Variants in RGS7 observed in about 807,000 individuals in gnomAD.
The protein encoded by RGS7 is regulator of G-protein signaling 7.
A neutral mutation model predicts 81.1 loss-of-function variants in RGS7; 27 were observed. The ratio of observed to expected loss-of-function variants is 0.33; its 90% CI spans 0.25 to 0.46. The LOEUF is 0.46. Among genes scored for constraint, RGS7 ranks in the 20% least tolerant of loss-of-function variants. The pLI, the probability that RGS7 is intolerant of heterozygous loss-of-function variation, is 1.00. For synonymous variants in RGS7, 208 were observed against 207.7 expected, an observed-to-expected ratio of 1.00 and a Z score of -0.01; for missense variants, 396 against 607.4, an observed-to-expected ratio of 0.65 and a Z score of 3.66.
intron 3 of RGS7, among the ~76,000 whole-genome samples, chr1:241,013,509 A>C (rs970068419): frequency 2.6e-5 from 4 of 152,154 alleles, no homozygotes; most frequent in South Asian, 2.1e-4. Context: ...TAAGAAAATA[A>C]ATTATGTATT....
intron 3 of RGS7, among the ~76,000 whole-genome samples, chr1:241,065,225 T>G (rs1369899621): frequency 1.4e-5 from 2 of 142,076 alleles, no homozygotes; most frequent in Non-Finnish European, 3.0e-5. Flanking sequence ...ATATATTATC[T>G]TTTAATATAT....
intron 3 of RGS7, among the ~76,000 whole-genome samples, chr1:241,057,848 C>G (rs536216476): frequency 6.6e-6 from 1 of 152,158 alleles, no homozygotes; most frequent in East Asian, 1.9e-4. Context: ...GGCGACAAAG[C>G]GAGACTCTAT....
chr1:241,189,975 C>T lies in RGS7; in HGVS notation c.79-91213G>A, dbSNP rs563574676. On this transcript the variant is annotated intron_variant, in intron 2 of 18. Coordinates refer to ENST00000440928, the MANE Select transcript of RGS7 (RefSeq NM_001364886.1). Reference sequence around the variant, plus strand: ...AAATTTAGCCGGGCGCGGTGGTGGGCACCTGTAGTCCCAGCTACTCGGGAG... The same window carrying T: ...AAATTTAGCCGGGCGCGGTGGTGGGTACCTGTAGTCCCAGCTACTCGGGAG... 2.4e-3 allele frequency among the ~76,000 whole-genome samples: 372 copies of T among 152,194 alleles called. 4 individuals are homozygous for T. The highest frequency in any genetic ancestry group is 0.014 in the Admixed American group (219 of 15,310).
At chr1:240,957,029 G>A (rs962791749) in intron 4 of RGS7, among the ~76,000 whole-genome samples, 1 of 152,208 alleles carries the variant, frequency 6.6e-6, no homozygotes. Context: ...TTGGATTGAA[G>A]GATGCAAAGT....
At position 241,056,519 on chromosome 1, in the gene RGS7, T is replaced by G. The variant is rs142303443; in HGVS notation, c.175+42147A>C. Among the ~76,000 whole-genome samples, 991 of 152,332 alleles carry G rather than the reference T, an allele frequency of 6.5e-3. 6 individuals carry two copies. Among genetic ancestry groups the G allele is most frequent in the Middle Eastern group, 0.024 (7 of 294 alleles). ...CTATCTTTAGTGCAAAGAATAATGT[T>G]TATCACACAACAGGTGCTCAGTAAG... On this transcript the variant is annotated intron_variant, in intron 3 of 18. Transcript: ENST00000440928.
intron 2 of RGS7, among the ~76,000 whole-genome samples, chr1:241,221,428 T>C (rs561729187): frequency 2.0e-5 from 3 of 152,328 alleles, no homozygotes; most frequent in Non-Finnish European, 2.9e-5. Context: ...GCTTCCTTTG[T>C]CCATGGATAT....
chr1:240,948,059 C>T (rs961094371), intron 4 of RGS7, among the ~76,000 whole-genome samples: 1 of 152,212 alleles, frequency 6.6e-6, no homozygotes, highest in African/African-American at 2.4e-5. Context: ...AAAGCCACTA[C>T]ATCAGAGACA....
At chr1:240,813,752 T>C in intron 12 of RGS7, 24 bp from the exon 13 acceptor site, 1 of 1,476,916 alleles carries the variant, frequency 6.8e-7, no homozygotes, top group Non-Finnish European at 9.5e-7. Flanking sequence ...ACATTTCCAG[T>C]TTCTTTAGTT....
intron 2 of RGS7, among the ~76,000 whole-genome samples, chr1:241,309,321 G>A (rs2080361580): frequency 7.1e-6 from 1 of 141,392 alleles, no homozygotes; most frequent in African/African-American, 2.6e-5. Flanking sequence ...GGGAGGCAGA[G>A]GTAGCAGTGA....
At chr1:240,971,615 T>C (rs144343581) in intron 4 of RGS7, among the ~76,000 whole-genome samples, 1 of 152,332 alleles carries the variant, frequency 6.6e-6, no homozygotes, top group African/African-American at 2.4e-5. Context: ...TAATATAAAA[T>C]GCACGTTTGC....
chr1:240,977,791 T>C (rs1684362608), intron 4 of RGS7, among the ~76,000 whole-genome samples: 1 of 152,156 alleles, frequency 6.6e-6, no homozygotes, highest in Non-Finnish European at 1.5e-5. Context: ...ACATCAACAG[T>C]ACCAAAAACA....
intron 4 of RGS7, among the ~76,000 whole-genome samples, chr1:240,953,836 C>T (rs943486746): frequency 6.6e-6 from 1 of 151,864 alleles, no homozygotes; most frequent in Non-Finnish European, 1.5e-5. Context: ...AAAAGGTCAA[C>T]AAAATTGACA....
At chr1:240,970,768 C>A (rs1277614475) in intron 4 of RGS7, among the ~76,000 whole-genome samples, 1 of 152,114 alleles carries the variant, frequency 6.6e-6, no homozygotes, top group Middle Eastern at 3.4e-3. Context: ...GTGGATTACT[C>A]GAGATCAGGA....
intron 6 of RGS7, among the ~76,000 whole-genome samples, chr1:240,878,368 G>A (rs531382986): frequency 1.5e-4 from 23 of 152,110 alleles, no homozygotes; most frequent in Non-Finnish European, 2.5e-4. Context: ...CAATCAATCC[G>A]CATGGCTAGA....
At chr1:240,990,843 C>T (rs1004030799) in intron 3 of RGS7, among the ~76,000 whole-genome samples, 3 of 152,152 alleles carry the variant, frequency 2.0e-5, no homozygotes, top group Admixed American at 6.5e-5. Flanking sequence ...CATTTGCCTA[C>T]GAGACTTTAA....
intron 4 of RGS7, among the ~76,000 whole-genome samples, chr1:240,982,059 G>T (rs1490211984): frequency 2.0e-5 from 3 of 152,078 alleles, no homozygotes; most frequent in Non-Finnish European, 4.4e-5. Flanking sequence ...TGAACAATAT[G>T]CATCTTATTT....
chr1:240,843,535 G>T (rs1658507833), intron 9 of RGS7, among the ~76,000 whole-genome samples: 1 of 152,172 alleles, frequency 6.6e-6, no homozygotes, highest in Non-Finnish European at 1.5e-5. Context: ...CAAGGTGTCA[G>T]GATTACAGGC....
intron 4 of RGS7, among the ~76,000 whole-genome samples, chr1:240,955,123 T>C (rs503784): frequency 0.99 from 151,043 of 152,294 alleles, 74,919 homozygotes; most frequent in Middle Eastern, 1. Context: ...TGGACTGGAA[T>C]GCTCAATGTT....
At chr1:241,120,349 T>C (rs1035047955) in intron 2 of RGS7, among the ~76,000 whole-genome samples, 4 of 152,196 alleles carry the variant, frequency 2.6e-5, no homozygotes, top group African/African-American at 9.7e-5. Context: ...ATTTGTAATT[T>C]TTTTTGTTTT....
Sources: allele counts gnomAD v4.1 joint callset (sites outside exome capture counted in the v4.1 genomes callset), GRCh38; gene constraint gnomAD v4.1.1; transcripts MANE v1.5; gene names NCBI Gene and HGNC (gene_info 2026-07-23, HGNC 2026-07-21).